MAP3K15: variants seen among roughly 807,000 people sequenced by gnomAD.
The protein encoded by MAP3K15 is MAPK/ERK kinase kinase 15.
In MAP3K15, 124 loss-of-function variants were observed where a neutral mutation model predicts 99.5. The ratio of observed to expected loss-of-function variants is 1.25; its 90% CI spans 1.08 to 1.45. The LOEUF is 1.45. Among genes scored for constraint, MAP3K15 ranks in the 40% most tolerant of loss-of-function variants. MAP3K15 has a pLI of 0.00. For missense variants in MAP3K15, 1,242 were observed against 1,079.7 expected (o/e 1.15, Z -2.11); for synonymous variants, 494 against 439.6 (o/e 1.12, Z -1.55).
rs766207184 is a variant in MAP3K15 at position 19,464,340 on chromosome X, C to T, written c.592G>A (p.Glu198Lys). ...GAGGCTCGTCTCTGGGCATCACTCT[C>T]GCAGCAAAAATAATCAGCGCACGGT... The part of the protein sequence containing the change: ...VTPCADYFCC[E>K]SDAQRRASEY... Residue 198 changes from glutamate to lysine, a missense_variant, in exon 4 of 29, where the codon GAG becomes AAG. Glu to Lys is a moderately conservative substitution (Grantham distance 56, BLOSUM62 1). Transcript: ENST00000338883. The T allele has an allele frequency of 5.0e-6, 6 of 1,198,753 alleles. No homozygotes were observed. The South Asian group carries it at 7.0e-5, about 14-fold the overall frequency.
At chrX:19,447,754 G>T (rs1200004208) in intron 6 of MAP3K15, among the ~76,000 whole-genome samples, 1 of 94,749 alleles carries the variant, frequency 1.1e-5, no homozygotes. Context: ...CGTAGTGGCG[G>T]GCGCCTGTAG....
chrX:19,386,121 C>G (rs892036076), intron 18 of MAP3K15, among the ~76,000 whole-genome samples: 2 of 111,936 alleles, frequency 1.8e-5, no homozygotes, highest in South Asian at 3.7e-4. Flanking sequence ...TGTGGGGCAT[C>G]TGAATCACGC....
At chrX:19,469,966 G>C (rs1337314363) in intron 3 of MAP3K15, among the ~76,000 whole-genome samples, 1 of 110,411 alleles carries the variant, frequency 9.1e-6, no homozygotes, top group Non-Finnish European at 1.9e-5. Context: ...CTGTAAACTA[G>C]TTCAACCATT....
chrX:19,456,537 G>A (rs2064094229), intron 6 of MAP3K15, among the ~76,000 whole-genome samples: 4 of 111,976 alleles, frequency 3.6e-5, no homozygotes, highest in African/African-American at 1.3e-4. Flanking sequence ...CTTTTTTGAT[G>A]GGAGTGTTGT....
chrX:19,463,638 A>G (rs761029693), intron 4 of MAP3K15, among the ~76,000 whole-genome samples: 5 of 112,129 alleles, frequency 4.5e-5, no homozygotes, highest in African/African-American at 1.6e-4. Flanking sequence ...ACAGGTAGGA[A>G]TCATCTAAGC....
chrX:19,468,215 G>T (rs960184436), intron 3 of MAP3K15, among the ~76,000 whole-genome samples: 3 of 112,295 alleles, frequency 2.7e-5, no homozygotes, highest in Non-Finnish European at 5.6e-5. Context: ...TGGTAGCTCT[G>T]TGATAGGAAT....
intron 6 of MAP3K15, among the ~76,000 whole-genome samples, chrX:19,443,218 A>T (rs532082751): frequency 3.3e-3 from 343 of 103,945 alleles, no homozygotes; most frequent in South Asian, 7.5e-3. Flanking sequence ...TTTTTAGTAG[A>T]AACGGGGTTT....
chrX:19,453,612 T>C (rs929912516), intron 6 of MAP3K15, among the ~76,000 whole-genome samples: 10 of 111,531 alleles, frequency 9.0e-5, no homozygotes, highest in African/African-American at 3.3e-4. Flanking sequence ...CTTGCCTTTT[T>C]CTTTGTTTGT....
intron 26 of MAP3K15, among the ~76,000 whole-genome samples, chrX:19,362,230 CTTTTTT>C (rs1159241316): frequency 1.3e-5 from 1 of 75,692 alleles, no homozygotes; most frequent in Admixed American, 1.4e-4. Context: ...CCTTTTGAAT[CTTTTTT>C]TTTTTTTTTT....
intron 3 of MAP3K15, among the ~76,000 whole-genome samples, chrX:19,470,114 C>T (rs997093682): frequency 2.2e-4 from 25 of 111,652 alleles, no homozygotes; most frequent in Middle Eastern, 4.6e-3. Context: ...ATGTTTATTG[C>T]GGCACTATTC....
intron 1 of MAP3K15, among the ~76,000 whole-genome samples, chrX:19,504,975 C>G (rs1489225619): frequency 9.8e-6 from 1 of 101,978 alleles, no homozygotes; most frequent in Non-Finnish European, 2.0e-5. Context: ...AAAAAAAAAG[C>G]CCAGAAACAA....
At chrX:19,488,304 A>G (rs765442378) in intron 2 of MAP3K15, among the ~76,000 whole-genome samples, 1 of 112,434 alleles carries the variant, frequency 8.9e-6, no homozygotes, top group South Asian at 3.6e-4. Context: ...TGAGTTGTGC[A>G]GGAACACACA....
At chrX:19,406,570 T>C (rs1160444588) in intron 13 of MAP3K15, among the ~76,000 whole-genome samples, 2 of 112,271 alleles carry the variant, frequency 1.8e-5, no homozygotes, top group Non-Finnish European at 3.8e-5. Flanking sequence ...GGGGCCAAGA[T>C]GGGGCGAGGT....
At chrX:19,361,247 G>T in intron 28 of MAP3K15, 92 bp downstream of exon 28, 5 of 748,172 alleles carry the variant, frequency 6.7e-6, no homozygotes, top group Middle Eastern at 4.9e-4. Flanking sequence ...CCAGAGTTTG[G>T]GGGGAGGCCC....
chrX:19,378,078 C>T (rs2063432952), intron 19 of MAP3K15, among the ~76,000 whole-genome samples: 1 of 112,620 alleles, frequency 8.9e-6, no homozygotes, highest in South Asian at 3.6e-4. Flanking sequence ...AACCTGCACT[C>T]ACACCTCCAA....
intron 6 of MAP3K15, among the ~76,000 whole-genome samples, chrX:19,455,832 C>T (rs1381136120): frequency 9.0e-6 from 1 of 110,863 alleles, no homozygotes; most frequent in East Asian, 2.8e-4. Flanking sequence ...CAATTTTTTA[C>T]AGCACTTACA....
intron 1 of MAP3K15, among the ~76,000 whole-genome samples, chrX:19,508,168 A>T (rs1443378278): frequency 9.2e-6 from 1 of 109,062 alleles, no homozygotes; most frequent in African/African-American, 3.4e-5. Flanking sequence ...ACGCCCAGCC[A>T]GGATATTGGT....
chrX:19,515,496 C>G lies in MAP3K15; in HGVS notation c.-235G>C, dbSNP rs1196604673. Among the ~76,000 whole-genome samples the G allele has an allele frequency of 2.8e-5, 3 of 107,074 alleles. No homozygotes were observed. In the East Asian group the frequency reaches 9.5e-4, roughly 34 times the overall value. 93.0% of individuals were successfully genotyped at this position (107,074 alleles called of 115,157 possible). A position where few individuals can be genotyped will look rare whatever the true frequency, so the allele number is the denominator to read the frequency against. ...AAGGCCCCCAGCGCCCTTTGAAGGC[C>G]GGAGAGAAAGAGGCGGGGGCTGGGG... On this transcript the variant is annotated 5_prime_UTR_variant, in exon 1 of 29. Transcript: ENST00000338883.
At chrX:19,446,259 T>G (rs1480323516) in intron 6 of MAP3K15, among the ~76,000 whole-genome samples, 1 of 112,354 alleles carries the variant, frequency 8.9e-6, no homozygotes, top group Non-Finnish European at 1.9e-5. Flanking sequence ...CAAATAGGAC[T>G]GAGATAGATC....
Sources: allele counts gnomAD v4.1 joint callset (sites outside exome capture counted in the v4.1 genomes callset), GRCh38; gene constraint gnomAD v4.1.1; transcripts MANE v1.5; gene names NCBI Gene and HGNC (gene_info 2026-07-23, HGNC 2026-07-21).